SH3BP5: variants seen among roughly 807,000 people sequenced by gnomAD.
SH3BP5 encodes SH3 domain-binding protein 5.
In SH3BP5, 22 loss-of-function variants were observed where a neutral mutation model predicts 43.3. The ratio of observed to expected loss-of-function variants is 0.51; its 90% CI spans 0.36 to 0.73. SH3BP5 has a LOEUF of 0.73. SH3BP5 is among the 30% of genes least tolerant of loss of function. The pLI, the probability that SH3BP5 is intolerant of heterozygous loss-of-function variation, is 0.00. For missense variants in SH3BP5, 529 were observed against 586.9 expected (o/e 0.90, Z 1.02); for synonymous variants, 255 against 225.8 (o/e 1.13, Z -1.16).
chr3:15,334,568 A>AG (rs1431601306), upstream of SH3BP5, among the ~76,000 whole-genome samples: 2 of 142,610 alleles, frequency 1.4e-5, no homozygotes, highest in African/African-American at 5.1e-5. Flanking sequence ...CTTGCTCTCT[A>AG]GAAAAAAAAA....
At chr3:15,256,796 A>G in intron 8 of SH3BP5, 57 bp downstream of exon 8, 1 of 1,545,924 alleles carries the variant, frequency 6.5e-7, no homozygotes, top group Non-Finnish European at 8.8e-7. Context: ...ATGGCACAAC[A>G]GTCAGGCTAC....
chr3:15,289,981 C>T (rs1559441658), intron 3 of SH3BP5, among the ~76,000 whole-genome samples: 1 of 152,160 alleles, frequency 6.6e-6, no homozygotes, highest in Non-Finnish European at 1.5e-5. Context: ...TTTGATATGC[C>T]ACTGCTTTTA....
intron 3 of SH3BP5, among the ~76,000 whole-genome samples, chr3:15,278,799 A>G (rs1398828607): frequency 1.3e-5 from 2 of 152,182 alleles, no homozygotes; most frequent in Non-Finnish European, 2.9e-5. Flanking sequence ...ATCCATATCA[A>G]ATTTTACTAA....
At chr3:15,302,599 A>G (rs1170581832) in intron 3 of SH3BP5, among the ~76,000 whole-genome samples, 1 of 152,104 alleles carries the variant, frequency 6.6e-6, no homozygotes, top group Non-Finnish European at 1.5e-5. Flanking sequence ...AAGAGAAATG[A>G]GAGGTGCATG....
At chr3:15,304,268 C>T in intron 2 of SH3BP5, 37 bp from the exon 3 acceptor site, 1 of 1,613,880 alleles carries the variant, frequency 6.2e-7, no homozygotes, top group Non-Finnish European at 8.5e-7. Context: ...ACAGTTGAGG[C>T]TTAAGAAGGG....
chr3:15,323,023 C>T (rs576255069), intron 2 of SH3BP5, among the ~76,000 whole-genome samples: 57 of 152,236 alleles, frequency 3.7e-4, no homozygotes, highest in Admixed American at 6.5e-4. Context: ...CCTGTAATCC[C>T]AGCTACTCGG....
chr3:15,314,966 G>A (rs1698149925), intron 2 of SH3BP5, among the ~76,000 whole-genome samples: 1 of 152,114 alleles, frequency 6.6e-6, no homozygotes, highest in Non-Finnish European at 1.5e-5. Flanking sequence ...AATCAGAACA[G>A]AGGAAACCAG....
At chr3:15,323,812 C>T (rs1698393836) in intron 2 of SH3BP5, among the ~76,000 whole-genome samples, 1 of 152,234 alleles carries the variant, frequency 6.6e-6, no homozygotes, top group African/African-American at 2.4e-5. Flanking sequence ...GGTCCCACAG[C>T]TATGAAGAGG....
chr3:15,287,207 A>C (rs544848188), intron 3 of SH3BP5, among the ~76,000 whole-genome samples: 2 of 152,382 alleles, frequency 1.3e-5, no homozygotes, highest in South Asian at 4.1e-4. Flanking sequence ...GCTGTCATAT[A>C]AGCAAGCATT....
chr3:15,318,530 C>CA (rs59276192), intron 2 of SH3BP5, among the ~76,000 whole-genome samples: 42,209 of 104,934 alleles, frequency 0.4, 7,627 homozygotes, highest in Middle Eastern at 0.49. Flanking sequence ...CTGTCAGCTC[C>CA]AAAAAAAAAA....
chr3:15,332,661 C>T, upstream of SH3BP5: 3 of 1,148,206 alleles, frequency 2.6e-6, no homozygotes, highest in East Asian at 4.3e-5. Context: ...CCGCCCCGGC[C>T]TCGCGTTCCG....
intron 3 of SH3BP5, chr3:15,273,082 A>C (rs1696863472): frequency 1.0e-6 from 1 of 974,628 alleles, no homozygotes; most frequent in Non-Finnish European, 1.2e-6. Context: ...CTTAAAAGCC[A>C]CTCCACCCCC....
chr3:15,257,249 A>C, intron 7 of SH3BP5, 136 bp from the exon 8 acceptor site: 1 of 885,284 alleles, frequency 1.1e-6, no homozygotes, highest in Non-Finnish European at 1.7e-6. Flanking sequence ...TAATGAAGGA[A>C]TGTGACTTCC....
chr3:15,296,862 TAAA>T (rs869130338), intron 3 of SH3BP5, among the ~76,000 whole-genome samples: 3 of 123,156 alleles, frequency 2.4e-5, no homozygotes, highest in Non-Finnish European at 1.7e-5. Flanking sequence ...TCTGGCTTCT[TAAA>T]AAAAAAAAAA....
intron 3 of SH3BP5, among the ~76,000 whole-genome samples, chr3:15,280,131 G>T (rs571256938): frequency 6.6e-6 from 1 of 152,116 alleles, no homozygotes; most frequent in South Asian, 2.1e-4. Context: ...CAGCTTACAG[G>T]GCCTGCCAGC....
At chr3:15,262,050 C>T in intron 5 of SH3BP5, 109 bp downstream of exon 5, 1 of 1,317,390 alleles carries the variant, frequency 7.6e-7, no homozygotes, top group South Asian at 1.3e-5. Context: ...CCAGGGTCTA[C>T]ATCAAAGGAC....
At chr3:15,280,314 C>A (rs768223209) in intron 3 of SH3BP5, among the ~76,000 whole-genome samples, 4 of 152,058 alleles carry the variant, frequency 2.6e-5, no homozygotes, top group Non-Finnish European at 4.4e-5. Flanking sequence ...GTGCCACCGG[C>A]TAGAGAATCG....
intron 3 of SH3BP5, among the ~76,000 whole-genome samples, chr3:15,299,640 A>G (rs1445013043): frequency 1.3e-5 from 2 of 151,958 alleles, no homozygotes; most frequent in Admixed American, 6.6e-5. Context: ...CCACAGGCAC[A>G]TATCACTACA....
chr3:15,333,357 G>T, upstream of SH3BP5: 1 of 701,756 alleles, frequency 1.4e-6, no homozygotes, highest in Non-Finnish European at 1.8e-6. Flanking sequence ...AAGCAGATGA[G>T]CACATGGCTG....
Sources: gnomAD v4.1 joint callset for allele counts (sites outside exome capture counted in the v4.1 genomes callset) on GRCh38, gnomAD v4.1.1 for gene constraint, MANE v1.5 for transcripts, NCBI Gene and HGNC (gene_info 2026-07-23, HGNC 2026-07-21) for gene names.